POM121: variants seen among roughly 807,000 people sequenced by gnomAD.
The protein encoded by POM121 is nuclear envelope pore membrane protein POM 121.
A neutral mutation model predicts 81.3 loss-of-function variants in POM121; 32 were observed. That is an observed-to-expected ratio of 0.39 (90% CI 0.30 to 0.53). POM121 has a LOEUF of 0.53. Among genes scored for constraint, POM121 ranks in the 20% least tolerant of loss-of-function variants. The probability of loss-of-function intolerance (pLI) is 0.66; values close to 1 mark genes in which losing one functional copy is unlikely to be tolerated. For synonymous variants in POM121, 514 were observed against 694.2 expected, an observed-to-expected ratio of 0.74 and a Z score of 4.08; for missense variants, 1,138 against 1,614.6, an observed-to-expected ratio of 0.70 and a Z score of 5.06.
At position 72,946,584 on chromosome 7, in the gene POM121, G is replaced by A. The variant is rs1293478598; in HGVS notation, c.*350G>A. 12 of 1,041,796 alleles carry A rather than the reference G, an allele frequency of 1.2e-5. No individual in the cohort carries two copies. In the African/African-American group the frequency reaches 1.4e-4, roughly 12 times the overall value. 64.5% of individuals were successfully genotyped at this position (1,041,796 alleles called of 1,614,324 possible). ...GCCCCTTCCACCTTTCCCCGAGACC[G>A]TCGTCGCTGGAGGGGGCAGGGTCCA... On this transcript the variant is annotated 3_prime_UTR_variant, in exon 13 of 13. Transcript: ENST00000434423.
At chr7:72,927,363 G>A (rs1291751395) in intron 3 of POM121, among the ~76,000 whole-genome samples, 1 of 152,196 alleles carries the variant, frequency 6.6e-6, no homozygotes, top group African/African-American at 2.4e-5. Flanking sequence ...GGAAATGCTT[G>A]TGAAAGAAAA....
intron 3 of POM121, among the ~76,000 whole-genome samples, chr7:72,905,669 C>T (rs1470520067): frequency 1.3e-5 from 2 of 152,332 alleles, no homozygotes; most frequent in East Asian, 3.9e-4. Flanking sequence ...CTCTGCACTC[C>T]AGCCTGGGCG....
At position 72,939,322 on chromosome 7, in the gene POM121, T is replaced by C. The variant is rs185754791; in HGVS notation, c.1368-14T>C. On this transcript the variant is annotated splice_polypyrimidine_tract_variant and intron_variant, in intron 6 of 12. Transcript: ENST00000434423. ...AAGCCTTTCTAGACTAAATTGTTCC[T>C]TTTTTCCTGACAGAGAAGAGGAGCT... The C allele has an allele frequency of 4.9e-4, 786 of 1,612,972 alleles. 3 individuals carry two copies. Among genetic ancestry groups the C allele is most frequent in the Non-Finnish European group, 1.3e-4 (153 of 1,179,366 alleles).
At chr7:72,904,217 T>C (rs1457997992) in intron 3 of POM121, among the ~76,000 whole-genome samples, 1 of 152,218 alleles carries the variant, frequency 6.6e-6, no homozygotes, top group Non-Finnish European at 1.5e-5. Context: ...GAATGTGCTC[T>C]GCACTCAGCA....
Position 72,911,089 on chromosome 7 carries a change from C to T in POM121, c.-215-2676C>T, listed in dbSNP as rs551198960. Among the ~76,000 whole-genome samples, 3 of 152,356 alleles carry T rather than the reference C, an allele frequency of 2.0e-5. No individual in the cohort carries two copies. In the East Asian group the frequency reaches 5.8e-4, roughly 29 times the overall value. ...GCATTCTCCACCTCCTGGGTTGAAG[C>T]AGTTCTGCCTCAGCCTCCCTAGTAG... On this transcript the variant is annotated intron_variant, in intron 3 of 15. Transcript: ENST00000395270.
Position 72,929,810 on chromosome 7 carries a change from T to C in POM121, c.1104-130T>C. 4 of 1,339,722 alleles carry C rather than the reference T, an allele frequency of 3.0e-6. No individual in the cohort carries two copies. The South Asian group carries it at 5.9e-5, about 20-fold the overall frequency. 83.0% of individuals were successfully genotyped at this position (1,339,722 alleles called of 1,614,324 possible). A position where few individuals can be genotyped will look rare whatever the true frequency, so the allele number is the denominator to read the frequency against. On this transcript the variant is annotated intron_variant, in intron 4 of 12. Transcript: ENST00000434423. ...CTTTGTCAGATAGATTTGGCCAGATTGTTAGCAGTAAAAATTAAAAGCATT... is the reference window on the plus strand; with the variant it reads ...CTTTGTCAGATAGATTTGGCCAGATCGTTAGCAGTAAAAATTAAAAGCATT...
At position 72,925,166 on chromosome 7, in the gene POM121, G is replaced by C. The variant is rs1795252301; in HGVS notation, c.45G>C (p.Arg15=). The change falls in exon 1 of 13, where the codon CGG becomes CGC. Residue 15 remains arginine (R), a synonymous_variant. Transcript: ENST00000434423. The part of the protein sequence containing the change: ...AAAAGAGERR[R]PIASVRDGRG... ...CGGCTGGAGCAGGCGAGCGGCGGCG[G>C]CCCATAGCGAGTGTCAGGGACGGCC... The C allele has an allele frequency of 6.7e-7, 1 of 1,498,254 alleles. No individual in the cohort carries two copies. Among genetic ancestry groups the C allele is most frequent in the African/African-American group, 1.5e-5 (1 of 68,826 alleles). The allele number at this position is 1,498,254 out of a possible 1,614,324, so 92.8% of individuals were successfully genotyped here. A position where few individuals can be genotyped will look rare whatever the true frequency, so the allele number is the denominator to read the frequency against.
upstream of POM121, among the ~76,000 whole-genome samples, chr7:72,923,626 G>T (rs547795734): frequency 1.4e-4 from 14 of 103,632 alleles, no homozygotes; most frequent in African/African-American, 5.1e-4. Context: ...TTGAGACGGA[G>T]TCTCGCTCTG....
intron 1 of POM121, 127 bp downstream of exon 1, chr7:72,925,892 T>A: frequency 8.4e-7 from 1 of 1,192,588 alleles, no homozygotes; most frequent in Non-Finnish European, 1.1e-6. Flanking sequence ...TTGCCCTCCT[T>A]AACACCTTGG....
chr7:72,887,794 T>C (rs762930749), intron 1 of POM121, among the ~76,000 whole-genome samples: 4 of 152,186 alleles, frequency 2.6e-5, no homozygotes, highest in Non-Finnish European at 4.4e-5. Context: ...GCCATTGCAC[T>C]CCAGCCTGGA....
upstream of POM121, among the ~76,000 whole-genome samples, chr7:72,920,835 A>G (rs181849309): frequency 7.9e-5 from 12 of 152,246 alleles, no homozygotes; most frequent in Middle Eastern, 3.4e-3. Context: ...ACAGAGCCCT[A>G]TAAATTGTGA....
intron 3 of POM121, among the ~76,000 whole-genome samples, chr7:72,893,379 C>T (rs1335263664): frequency 2.0e-5 from 3 of 151,726 alleles, no homozygotes; most frequent in Non-Finnish European, 4.4e-5. Flanking sequence ...GTCAGGAGAT[C>T]GAGACCATCC....
At chr7:72,893,321 T>C (rs1468521685) in intron 3 of POM121, among the ~76,000 whole-genome samples, 3 of 150,942 alleles carry the variant, frequency 2.0e-5, no homozygotes, top group South Asian at 4.3e-4. Flanking sequence ...CGGTGGCTCA[T>C]GCCTGTAATC....
intron 3 of POM121, among the ~76,000 whole-genome samples, chr7:72,912,011 C>T (rs1554494335): frequency 5.9e-5 from 9 of 152,206 alleles, no homozygotes. Context: ...CCTGCCTCAG[C>T]CTCCTGAGTA....
Position 72,945,611 on chromosome 7 carries a change from G to T in POM121, c.3555G>T (p.Leu1185=). The change falls in exon 12 of 13, where the codon CTG becomes CTT. Residue 1185 remains leucine (L), a synonymous_variant. Coordinates refer to ENST00000434423, the MANE Select transcript of POM121 (RefSeq NM_001387691.1). ...FGGTATPTFG[L]NTPAPGVGTS... ...GCACCGCCACCCCCACCTTTGGTCT[G>T]AACACCCCTGCGCCTGGAGTGGGCA... 34 of 1,613,590 alleles carry T rather than the reference G, an allele frequency of 2.1e-5. No individual in the cohort carries two copies. The highest frequency in any genetic ancestry group is 2.8e-5 in the Non-Finnish European group (33 of 1,179,714).
intron 1 of POM121, among the ~76,000 whole-genome samples, chr7:72,884,258 A>G (rs1343773538): frequency 6.6e-6 from 1 of 152,124 alleles, no homozygotes; most frequent in Non-Finnish European, 1.5e-5. Context: ...TTCATGCAGG[A>G]AAGACAGTTT....
At chr7:72,918,081 G>A (rs1794457764) in intron 4 of POM121, among the ~76,000 whole-genome samples, 1 of 152,186 alleles carries the variant, frequency 6.6e-6, no homozygotes. Flanking sequence ...AGAAGGCAGA[G>A]CCAGGTGTAC....
Position 72,942,000 on chromosome 7 carries a change from C to T in POM121, c.2007C>T (p.Ser669=). ...TTLLGLIPAP[S]MVPATDTKAP... is the part of the protein sequence containing the mutation. ...TGCTGGGGCTGATCCCTGCTCCATC[C>T]ATGGTACCAGCCACTGACACCAAGG... is the stretch of plus-strand genomic sequence containing the variant. The change falls in exon 11 of 13, where the codon TCC becomes TCT. Residue 669 remains serine, a synonymous_variant. Transcript: ENST00000434423. 1 of 1,598,696 alleles carries T rather than the reference C, an allele frequency of 6.3e-7. No individual in the cohort carries two copies. The highest frequency in any genetic ancestry group is 8.5e-7 in the Non-Finnish European group (1 of 1,175,382).
At chr7:72,918,039 T>C (rs1233146732) in intron 4 of POM121, among the ~76,000 whole-genome samples, 12 of 152,164 alleles carry the variant, frequency 7.9e-5, no homozygotes, top group Admixed American at 7.9e-4. Flanking sequence ...TCAGAGACTT[T>C]TAGTACTTTC....
Sources: gnomAD v4.1 joint callset for allele counts (sites outside exome capture counted in the v4.1 genomes callset) on GRCh38, gnomAD v4.1.1 for gene constraint, MANE v1.5 for transcripts, NCBI Gene and HGNC (gene_info 2026-07-23, HGNC 2026-07-21) for gene names.